The following ARHGEF7 variants were observed in gnomAD, a reference collection of about 807,000 sequenced individuals.
ARHGEF7 encodes Rho guanine nucleotide exchange factor 7.
In ARHGEF7, 33 loss-of-function variants were observed where a neutral mutation model predicts 109.8. That is an observed-to-expected ratio of 0.30 (90% CI 0.23 to 0.40). The LOEUF (loss-of-function observed/expected upper bound fraction) is 0.40, where lower values mean the gene tolerates loss of function less well. Ranked by LOEUF, ARHGEF7 falls within the 10% of genes least tolerant of loss-of-function variation. The pLI is 1.00. For synonymous variants in ARHGEF7, 458 were observed against 424.6 expected, an observed-to-expected ratio of 1.08 and a Z score of -0.97; for missense variants, 938 against 1,098.5, an observed-to-expected ratio of 0.85 and a Z score of 2.07.
intron 18 of ARHGEF7, among the ~76,000 whole-genome samples, chr13:111,291,302 A>G (rs1367339142): frequency 6.6e-6 from 1 of 152,246 alleles, no homozygotes; most frequent in African/African-American, 2.4e-5. Flanking sequence ...CTCTCCTGAC[A>G]TGTTGTGCCA....
chr13:111,193,342 C>G (rs9588377), intron 2 of ARHGEF7, among the ~76,000 whole-genome samples: 143 of 152,324 alleles, frequency 9.4e-4, no homozygotes, highest in African/African-American at 3.3e-3. Flanking sequence ...TTCCTCCTGG[C>G]AGCAATTTTG....
Position 111,123,190 on chromosome 13 carries a change from G to A in ARHGEF7, c.165+7499G>A, listed in dbSNP as rs72670011. Among the ~76,000 whole-genome samples the A allele has an allele frequency of 4.7e-3, 712 of 152,308 alleles. 1 individual carries two copies. Among genetic ancestry groups the A allele is most frequent in the Non-Finnish European group, 6.2e-3 (424 of 68,028 alleles). ...TGGCCAGTGTTAGTTCCTAGCCCAG[G>A]CCTTGGAAAGGCTTGCACTTTTCTG... On this transcript the variant is annotated intron_variant, in intron 1 of 21. Coordinates refer to ENST00000646102, the MANE Select transcript of ARHGEF7 (RefSeq NM_001354046.2).
intron 6 of ARHGEF7, among the ~76,000 whole-genome samples, chr13:111,238,511 C>A (rs1051110511): frequency 6.6e-6 from 1 of 152,152 alleles, no homozygotes; most frequent in Non-Finnish European, 1.5e-5. Flanking sequence ...ACTGGAATCC[C>A]CGTAGATTTT....
At chr13:111,158,080 G>A (rs1197163405) in intron 2 of ARHGEF7, among the ~76,000 whole-genome samples, 1 of 152,128 alleles carries the variant, frequency 6.6e-6, no homozygotes, top group African/African-American at 2.4e-5. Flanking sequence ...CGTGGTTTCA[G>A]GAATATTAGC....
At chr13:111,264,460 G>T (rs1455337917) in intron 8 of ARHGEF7, among the ~76,000 whole-genome samples, 1 of 152,164 alleles carries the variant, frequency 6.6e-6, no homozygotes, top group Non-Finnish European at 1.5e-5. Context: ...TCCCATCTGC[G>T]CAGAGATCTA....
chr13:111,294,901 T>G (rs903093275), intron 19 of ARHGEF7: 1 of 985,778 alleles, frequency 1.0e-6, no homozygotes, highest in Non-Finnish European at 1.2e-6. Flanking sequence ...AAGTATATAA[T>G]AAGCTATATT....
chr13:111,196,722 G>A (rs915066595), intron 2 of ARHGEF7, among the ~76,000 whole-genome samples: 5 of 151,872 alleles, frequency 3.3e-5, no homozygotes, highest in African/African-American at 9.7e-5. Context: ...GGGAGCTATA[G>A]GGAGGCTAGG....
intron 19 of ARHGEF7, among the ~76,000 whole-genome samples, chr13:111,296,058 C>G (rs1049201825): frequency 6.6e-6 from 1 of 152,162 alleles, no homozygotes; most frequent in Non-Finnish European, 1.5e-5. Flanking sequence ...TGTGTGTCGT[C>G]AGATAAGGCC....
At chr13:111,115,172 G>C (rs562593619), upstream of ARHGEF7, 1 of 145,330 alleles carries the variant, frequency 6.9e-6, no homozygotes, top group Non-Finnish European at 1.5e-5. Flanking sequence ...CCCCGCGCAC[G>C]GCCTGGAGCG....
intron 13 of ARHGEF7, among the ~76,000 whole-genome samples, chr13:111,277,981 C>T (rs1304069291): frequency 6.6e-6 from 1 of 152,192 alleles, no homozygotes; most frequent in Non-Finnish European, 1.5e-5. Context: ...CTTGCTCCTC[C>T]TTGCTATGGT....
intron 2 of ARHGEF7, among the ~76,000 whole-genome samples, chr13:111,204,088 G>C (rs978724665): frequency 6.6e-6 from 1 of 152,290 alleles, no homozygotes; most frequent in East Asian, 1.9e-4. Context: ...GACCGGGTGT[G>C]GTGGGGGCAG....
chr13:111,200,713 C>T (rs1431815537), intron 2 of ARHGEF7, among the ~76,000 whole-genome samples: 1 of 152,228 alleles, frequency 6.6e-6, no homozygotes, highest in African/African-American at 2.4e-5. Context: ...GATGTCTCAA[C>T]ACCATCTGAT....
chr13:111,263,950 C>T (rs567465594), intron 8 of ARHGEF7, among the ~76,000 whole-genome samples: 8 of 152,294 alleles, frequency 5.3e-5, no homozygotes, highest in African/African-American at 1.7e-4. Flanking sequence ...AATCTGTTCC[C>T]AGTGCCTTGT....
intron 8 of ARHGEF7, among the ~76,000 whole-genome samples, chr13:111,259,391 A>C (rs1194154208): frequency 6.6e-6 from 1 of 151,988 alleles, no homozygotes; most frequent in Admixed American, 6.5e-5. Flanking sequence ...ACACACACAC[A>C]CCCCTCTCTC....
At chr13:111,274,249 C>A (rs2092349274) in intron 10 of ARHGEF7, among the ~76,000 whole-genome samples, 1 of 152,214 alleles carries the variant, frequency 6.6e-6, no homozygotes, top group Non-Finnish European at 1.5e-5. Context: ...CAGCTACAAA[C>A]AATGTGTGCA....
intron 2 of ARHGEF7, among the ~76,000 whole-genome samples, chr13:111,184,606 C>T (rs2079070731): frequency 6.6e-6 from 1 of 152,206 alleles, no homozygotes; most frequent in Non-Finnish European, 1.5e-5. Flanking sequence ...AGGCAGCATC[C>T]AGGGCTTTTA....
chr13:111,175,347 T>C (rs1308837842), intron 2 of ARHGEF7, among the ~76,000 whole-genome samples: 1 of 151,286 alleles, frequency 6.6e-6, no homozygotes, highest in Non-Finnish European at 1.5e-5. Flanking sequence ...GAAGACAGAG[T>C]GAGGGGAGAG....
At chr13:111,154,957 T>C (rs7330975) in intron 2 of ARHGEF7, among the ~76,000 whole-genome samples, 50,885 of 151,850 alleles carry the variant, frequency 0.34, 9,145 homozygotes, top group East Asian at 0.68. Context: ...TACCCACCCG[T>C]GTATTCAGCC....
intron 2 of ARHGEF7, among the ~76,000 whole-genome samples, chr13:111,173,565 T>C (rs1417429063): frequency 6.6e-6 from 1 of 152,226 alleles, no homozygotes; most frequent in Non-Finnish European, 1.5e-5. Context: ...GGGGACACAG[T>C]GTATTCACTG....
Sources: gnomAD v4.1 joint callset for allele counts (sites outside exome capture counted in the v4.1 genomes callset) on GRCh38, gnomAD v4.1.1 for gene constraint, MANE v1.5 for transcripts, NCBI Gene and HGNC (gene_info 2026-07-23, HGNC 2026-07-21) for gene names.